The following CLCN1 variants were observed in gnomAD, a reference collection of about 807,000 sequenced individuals.
CLCN1 encodes chloride voltage-gated channel 1, also known as chloride channel protein 1.
A neutral mutation model predicts 114.5 loss-of-function variants in CLCN1; 100 were observed. The ratio of observed to expected loss-of-function variants is 0.87; its 90% CI spans 0.74 to 1.03. The LOEUF (loss-of-function observed/expected upper bound fraction) is 1.03. Ranked by LOEUF, CLCN1 falls within the 50% of genes least tolerant of loss-of-function variation. CLCN1 has a pLI of 0.00. For missense variants in CLCN1, 1,188 were observed against 1,250.0 expected, an observed-to-expected ratio of 0.95 and a Z score of 0.75; for synonymous variants, 485 against 487.1, an observed-to-expected ratio of 1.00 and a Z score of 0.06.
chr7:143,352,057 G>T lies in CLCN1; in HGVS notation c.*92G>T, dbSNP rs536991907. ...CAGGGTGCGTCCTGAATGTGGCGAG[G>T]TCATGCCAATGTCGTGGCCTCTTCC... On this transcript the variant is annotated 3_prime_UTR_variant, in exon 23 of 23. Coordinates refer to ENST00000343257, the MANE Select transcript of CLCN1 (RefSeq NM_000083.3). 1 of 1,547,750 alleles carries T rather than the reference G, an allele frequency of 6.5e-7. No individual in the cohort carries two copies. Among genetic ancestry groups the T allele is most frequent in the African/African-American group, 1.4e-5 (1 of 73,538 alleles).
chr7:143,331,790 G>A (rs948799795), intron 10 of CLCN1, 138 bp downstream of exon 10: 17 of 706,354 alleles, frequency 2.4e-5, no homozygotes, highest in Middle Eastern at 2.7e-4. Flanking sequence ...TGATATTGTG[G>A]TTAGGGGGTG....
Position 143,330,971 on chromosome 7 carries a change from TG to T in CLCN1, c.979+78del, listed in dbSNP as rs1387553992. ...GAATGGGGTGCAGAGGAAAACTCTG[TG>T]GGGCAGTTCAGAAAAGGAATAATGG... On this transcript the variant is annotated intron_variant, in intron 8 of 22. Transcript: ENST00000343257. 5 of 1,604,994 alleles carry T rather than the reference TG, an allele frequency of 3.1e-6. No individual in the cohort carries two copies. The African/African-American group carries it at 5.4e-5, about 17-fold the overall frequency.
Position 143,324,683 on chromosome 7 carries a change from C to T in CLCN1, c.853+191C>T, listed in dbSNP as rs772257786. 3.3e-5 allele frequency among the ~76,000 whole-genome samples: 5 copies of T among 152,152 alleles called. No individual in the cohort carries two copies. Among genetic ancestry groups the T allele is most frequent in the Admixed American group, 1.3e-4 (2 of 15,276 alleles). Reference sequence around the variant, plus strand: ...TATTCCTGGCCAAAGCCATATGAGACAGATATTACAGAGGAGGAAGAGGAG... The same window carrying T: ...TATTCCTGGCCAAAGCCATATGAGATAGATATTACAGAGGAGGAAGAGGAG... On this transcript the variant is annotated intron_variant, in intron 7 of 22. Transcript: ENST00000343257. The surrounding 1 kb of genome is among the most constrained non-coding windows in gnomAD (Gnocchi z 4.6).
intron 18 of CLCN1, 108 bp from the exon 19 acceptor site, chr7:143,346,471 T>A: frequency 1.2e-6 from 1 of 858,064 alleles, no homozygotes; most frequent in Middle Eastern, 2.8e-4. Flanking sequence ...GAGGGTGAGG[T>A]ACCTGGGAAG....
intron 7 of CLCN1, among the ~76,000 whole-genome samples, chr7:143,326,785 G>T (rs972998520): frequency 1.3e-5 from 2 of 152,130 alleles, no homozygotes; most frequent in African/African-American, 2.4e-5. Context: ...CAAGTAAAGG[G>T]GGGCTGAATT....
At position 143,333,747 on chromosome 7, in the gene CLCN1, G is replaced by A. The variant is rs114161587; in HGVS notation, c.1401+874G>A. Among the ~76,000 whole-genome samples the A allele has an allele frequency of 9.3e-3, 1,410 of 152,242 alleles. 11 individuals are homozygous for A. Among genetic ancestry groups the A allele is most frequent in the Non-Finnish European group, 0.012 (829 of 68,022 alleles). On this transcript the variant is annotated intron_variant, in intron 12 of 22. Coordinates refer to ENST00000343257, the MANE Select transcript of CLCN1 (RefSeq NM_000083.3). The stretch of plus-strand genomic sequence containing the variant: ...TAGGTGATGAAGCTGTGAGGATTTT[G>A]CCATTCCCAAACCATATTCTTCTAG...
At chr7:143,326,878 T>G (rs1043713742) in intron 7 of CLCN1, among the ~76,000 whole-genome samples, 6 of 152,246 alleles carry the variant, frequency 3.9e-5, no homozygotes, top group Non-Finnish European at 7.3e-5. Context: ...CATGGTTTAC[T>G]AGATCTAATG....
chr7:143,320,784 A>G lies in CLCN1; in HGVS notation c.422A>G (p.Lys141Arg). 1 of 1,614,022 alleles carries G rather than the reference A, an allele frequency of 6.2e-7. No individual in the cohort carries two copies. Among genetic ancestry groups the G allele is most frequent in the Non-Finnish European group, 8.5e-7 (1 of 1,179,970 alleles). Residue 141 changes from lysine to arginine, a missense_variant, in exon 3 of 23, where the codon AAA becomes AGA. Lys to Arg is a conservative substitution (Grantham distance 26). Coordinates refer to ENST00000343257, the MANE Select transcript of CLCN1 (RefSeq NM_000083.3). ...TGGAGCATGGACTACGTCAGTGCCAAAAGCCTTCAGGGTAGGTTTAACCTG... is the reference window on the plus strand; with the variant it reads ...TGGAGCATGGACTACGTCAGTGCCAGAAGCCTTCAGGGTAGGTTTAACCTG... The part of the protein sequence containing the change: ...VSWSMDYVSA[K>R]SLQAYKWSYA...
In CLCN1 at chr7:143,324,410, G is replaced by T; in HGVS notation, c.775-4G>T. The T allele has an allele frequency of 6.2e-7, 1 of 1,612,552 alleles. No homozygotes were observed. Among genetic ancestry groups the T allele is most frequent in the Non-Finnish European group, 8.5e-7 (1 of 1,178,898 alleles). ...TGTTTCTCTGTCTGTCTCTCCCCTAGTAGCAGCCATACTACTACTCTGATA... is the reference window on the plus strand; with the variant it reads ...TGTTTCTCTGTCTGTCTCTCCCCTATTAGCAGCCATACTACTACTCTGATA... On this transcript the variant is annotated splice_polypyrimidine_tract_variant and splice_region_variant and intron_variant, in intron 6 of 22. Coordinates refer to ENST00000343257, the MANE Select transcript of CLCN1 (RefSeq NM_000083.3). This position sits in a 1 kb window ranked among gnomAD's most constrained non-coding sequence, Gnocchi z 4.6.
Position 143,351,711 on chromosome 7 carries a change from G to A in CLCN1, c.2713G>A (p.Glu905Lys), listed in dbSNP as rs886062036. Residue 905 changes from glutamate to lysine, a missense_variant, in exon 23 of 23, where the codon GAG becomes AAG. Glu to Lys is a moderately conservative substitution (Grantham distance 56, BLOSUM62 1). Transcript: ENST00000343257. ...KSTGAPPSSA[E>K]NWNLPEDRPG... ...TACCGGGGCACCTCCATCTTCTGCA[G>A]AGAACTGGAACCTGCCTGAGGACAG... The A allele has an allele frequency of 6.2e-7, 1 of 1,614,198 alleles. No individual in the cohort carries two copies.
intron 16 of CLCN1, among the ~76,000 whole-genome samples, chr7:143,342,952 C>T (rs1317730411): frequency 6.6e-6 from 1 of 151,932 alleles, no homozygotes; most frequent in Non-Finnish European, 1.5e-5. Flanking sequence ...AAATTTCCCA[C>T]TAAATACAGT....
Position 143,321,230 on chromosome 7 carries a change from A to C in CLCN1, c.434-135A>C. ...CCATAACTCAGGCTTCCCATGTGTC[A>C]AATGAGAGCAGCACCATCTCAGAAG... On this transcript the variant is annotated intron_variant, in intron 3 of 22. Transcript: ENST00000343257. The surrounding 1 kb of genome is among the most constrained non-coding windows in gnomAD (Gnocchi z 4.2). 7 of 1,069,558 alleles carry C rather than the reference A, an allele frequency of 6.5e-6. No homozygotes were observed. The highest frequency in any genetic ancestry group is 9.8e-6 in the Non-Finnish European group (7 of 717,904). 66.3% of individuals were successfully genotyped at this position (1,069,558 alleles called of 1,614,324 possible). A position where few individuals can be genotyped will look rare whatever the true frequency, so the allele number is the denominator to read the frequency against.
chr7:143,337,807 C>CTTTTTTTT lies in CLCN1; in HGVS notation c.1402-1416_1402-1409dup, dbSNP rs869078445. Among the ~76,000 whole-genome samples, 11 of 46,078 alleles carry CTTTTTTTT rather than the reference C, an allele frequency of 2.4e-4. 1 individual carries two copies. The highest frequency in any genetic ancestry group is 3.9e-4 in the African/African-American group (5 of 12,744). 30.2% of individuals were successfully genotyped at this position (46,078 alleles called of 152,430 possible). The stretch of plus-strand genomic sequence containing the variant: ...CTTTTTTCCATTCTATTTCTCAATT[C>CTTTTTTTT]TTTTTTTTTTTTTTTTTTTTTTTTT... On this transcript the variant is annotated intron_variant, in intron 12 of 22. Coordinates refer to ENST00000343257, the MANE Select transcript of CLCN1 (RefSeq NM_000083.3).
Position 143,321,814 on chromosome 7 carries a change from C to T in CLCN1, c.662C>T (p.Ala221Val), listed in dbSNP as rs748415883. The change falls in exon 5 of 23, where the codon GCG (alanine) becomes GTG (valine). Residue 221 changes from alanine (A) to valine (V), a missense_variant. Ala to Val is a moderately conservative substitution (Grantham distance 64). Transcript: ENST00000343257. This position sits in a 1 kb window ranked among gnomAD's most constrained non-coding sequence, Gnocchi z 4.2. The part of the protein sequence containing the change: ...AFVAKVVALT[A>V]GLGSGIPVGK... ...GTGGCCAAGGTTGTCGCCCTGACTG[C>T]GGGCCTGGGCAGTGGCATCCCCGTG... 28 of 1,614,076 alleles carry T rather than the reference C, an allele frequency of 1.7e-5. No homozygotes were observed. The highest frequency in any genetic ancestry group is 6.7e-5 in the East Asian group (3 of 44,892).
chr7:143,321,975 C>T lies in CLCN1; in HGVS notation c.696+127C>T. 2 of 1,055,040 alleles carry T rather than the reference C, an allele frequency of 1.9e-6. No individual in the cohort carries two copies. The highest frequency in any genetic ancestry group is 2.7e-6 in the Non-Finnish European group (2 of 736,732). The allele number at this position is 1,055,040 out of a possible 1,614,324, so 65.4% of individuals were successfully genotyped here. On this transcript the variant is annotated intron_variant, in intron 5 of 22. Coordinates refer to ENST00000343257, the MANE Select transcript of CLCN1 (RefSeq NM_000083.3). The surrounding 1 kb of genome is among the most constrained non-coding windows in gnomAD (Gnocchi z 4.2). Reference sequence around the variant, plus strand: ...CAGGACCAAGGCCAGGGCCAGGGGACACTAGGAAGGGGAAATGCTTTGGAA... The same window carrying T: ...CAGGACCAAGGCCAGGGCCAGGGGATACTAGGAAGGGGAAATGCTTTGGAA...
In CLCN1 at chr7:143,350,496, C is replaced by T. The variant is rs1330807467; in HGVS notation, c.2508+20C>T. The T allele has an allele frequency of 4.3e-6, 7 of 1,610,492 alleles. No individual in the cohort carries two copies. In the South Asian group the frequency reaches 6.6e-5, roughly 15 times the overall value. ...CACAAGGTGAGTCTTTTGCTGACTG[C>T]TCAGGGCTGTGGGGAAGGCAGGAGA... On this transcript the variant is annotated intron_variant, in intron 21 of 22. Transcript: ENST00000343257. This position sits in a 1 kb window ranked among gnomAD's most constrained non-coding sequence, Gnocchi z 5.1.
At chr7:143,341,451 C>T (rs995111339) in intron 14 of CLCN1, among the ~76,000 whole-genome samples, 3 of 151,726 alleles carry the variant, frequency 2.0e-5, no homozygotes, top group Non-Finnish European at 2.9e-5. Context: ...CCTGGCTACT[C>T]GGAAGACTGA....
rs201150297 is a variant in CLCN1 at position 143,336,635 on chromosome 7, GA to G, written c.1402-2609del. Among the ~76,000 whole-genome samples, 954 of 107,294 alleles carry G rather than the reference GA, an allele frequency of 8.9e-3. 5 individuals are homozygous for G. The highest frequency in any genetic ancestry group is 0.028 in the Middle Eastern group (6 of 212). 70.4% of individuals were successfully genotyped at this position (107,294 alleles called of 152,430 possible). A position where few individuals can be genotyped will look rare whatever the true frequency, so the allele number is the denominator to read the frequency against. The stretch of plus-strand genomic sequence containing the variant: ...AAAAAAAAAAAAAAAAGAAGAAGAA[GA>G]AAAAAAAAGGAAGGAAGGAAGGGAA... On this transcript the variant is annotated intron_variant, in intron 12 of 22. Coordinates refer to ENST00000343257, the MANE Select transcript of CLCN1 (RefSeq NM_000083.3).
At position 143,345,752 on chromosome 7, in the gene CLCN1, G is replaced by A. The variant is rs1369535223; in HGVS notation, c.2162G>A (p.Gly721Asp). 1.9e-6 allele frequency: 3 copies of A among 1,605,116 alleles called. No individual in the cohort carries two copies. Among genetic ancestry groups the A allele is most frequent in the Non-Finnish European group, 2.5e-6 (3 of 1,176,610 alleles). The change falls in exon 17 of 23, where the codon GGC becomes GAC. Residue 721 changes from glycine to aspartate, a missense_variant. Coordinates refer to ENST00000343257, the MANE Select transcript of CLCN1 (RefSeq NM_000083.3). ...GAGGATGAGGACGAAGACCTCTCTG[G>A]CAAGAGCGAGGTGACCGCGCCGGGA... is the stretch of plus-strand genomic sequence containing the variant. ...VDEDEDEDLS[G>D]KSELPPSLAL...
Sources: gnomAD v4.1 joint callset for allele counts (sites outside exome capture counted in the v4.1 genomes callset) on GRCh38, gnomAD v4.1.1 for gene constraint, Gnocchi (gnomAD v3.1) non-coding constraint, MANE v1.5 for transcripts, NCBI Gene and HGNC (gene_info 2026-07-23, HGNC 2026-07-21) for gene names.